STARD13: variants seen among roughly 807,000 people sequenced by gnomAD.
The protein encoded by STARD13 is stAR-related lipid transfer protein 13.
STARD13 carries 62 observed loss-of-function variants against 106.4 expected under a neutral mutation model. The observed-to-expected ratio is 0.58, with a 90% CI of 0.48 to 0.72. The LOEUF (loss-of-function observed/expected upper bound fraction) is 0.72, where lower values mean the gene tolerates loss of function less well. Among genes scored for constraint, STARD13 ranks in the 30% least tolerant of loss-of-function variants. The pLI, the probability that STARD13 is intolerant of heterozygous loss-of-function variation, is 0.00. For missense variants in STARD13, 1,387 were observed against 1,424.0 expected (o/e 0.97, Z 0.42); for synonymous variants, 565 against 553.0 (o/e 1.02, Z -0.31).
chr13:33,671,640 T>G, the STARD13 span, among the ~76,000 whole-genome samples: 11,796 of 152,192 alleles, frequency 0.078, 922 homozygotes, highest in East Asian at 0.25. Flanking sequence ...TGAGGCAAGA[T>G]GATCCCTTGA....
intron 1 of STARD13, among the ~76,000 whole-genome samples, chr13:33,329,689 A>G (rs1190669741): frequency 6.7e-6 from 1 of 150,002 alleles, no homozygotes; most frequent in Non-Finnish European, 1.5e-5. Flanking sequence ...GTGATTGTAT[A>G]AAATCACTTT....
chr13:33,473,349 C>T, the STARD13 span, among the ~76,000 whole-genome samples: 10 of 152,168 alleles, frequency 6.6e-5, no homozygotes, highest in Non-Finnish European at 1.5e-4. Flanking sequence ...AAGTAATTTA[C>T]ACAATTTTAC....
chr13:33,198,379 A>C (rs1354034974), intron 1 of STARD13, among the ~76,000 whole-genome samples: 1 of 151,960 alleles, frequency 6.6e-6, no homozygotes, highest in East Asian at 1.9e-4. Context: ...CCAGCATCAG[A>C]GCCTTGGCCC....
At chr13:33,359,313 C>T in the STARD13 span, among the ~76,000 whole-genome samples, 5 of 152,012 alleles carry the variant, frequency 3.3e-5, no homozygotes, top group Admixed American at 3.3e-4. Flanking sequence ...GACGCGCTGC[C>T]TTAAGAGCTG....
At chr13:33,233,418 A>G (rs1182892012) in intron 1 of STARD13, among the ~76,000 whole-genome samples, 2 of 152,182 alleles carry the variant, frequency 1.3e-5, no homozygotes, top group African/African-American at 4.8e-5. Flanking sequence ...TCATTAGAGG[A>G]GACGACAGCC....
the STARD13 span, among the ~76,000 whole-genome samples, chr13:33,452,997 T>G: frequency 6.6e-6 from 1 of 152,234 alleles, no homozygotes; most frequent in Non-Finnish European, 1.5e-5. Flanking sequence ...CACTTTTAGG[T>G]GTGCATAGCA....
chr13:33,203,675 T>C (rs1887209576), intron 1 of STARD13, among the ~76,000 whole-genome samples: 2 of 152,174 alleles, frequency 1.3e-5, no homozygotes, highest in African/African-American at 4.8e-5. Context: ...GAAAATCAAA[T>C]AGTTATTCTA....
chr13:33,245,659 A>T (rs1889786469), intron 1 of STARD13, among the ~76,000 whole-genome samples: 1 of 152,212 alleles, frequency 6.6e-6, no homozygotes. Context: ...CAGATGATTG[A>T]TTCTGAAATG....
At chr13:33,222,948 G>A (rs1393756000) in intron 1 of STARD13, among the ~76,000 whole-genome samples, 1 of 152,232 alleles carries the variant, frequency 6.6e-6, no homozygotes, top group Non-Finnish European at 1.5e-5. Context: ...TTGGACCACT[G>A]GCCTGTGAAG....
At chr13:33,443,903 A>AAAAAAAAG in the STARD13 span, among the ~76,000 whole-genome samples, 1 of 151,758 alleles carries the variant, frequency 6.6e-6, no homozygotes, top group Non-Finnish European at 1.5e-5. Flanking sequence ...AAAAAAAAAA[A>AAAAAAAAG]AAAAAAAGAA....
At position 33,130,381 on chromosome 13, in the gene STARD13, A is replaced by C; in HGVS notation, c.388-92T>G. On this transcript the variant is annotated intron_variant, in intron 4 of 13. Coordinates refer to ENST00000336934, the MANE Select transcript of STARD13 (RefSeq NM_178006.4). This position sits in a 1 kb window ranked among gnomAD's most constrained non-coding sequence, Gnocchi z 4.1. ...TGAGGGCAGCCCTGTGTGGTCCTCC[A>C]CCTCCCTCCCCTCTGTCCTCCCATG... The C allele has an allele frequency of 8.0e-7, 1 of 1,245,148 alleles. No homozygotes were observed. The highest frequency in any genetic ancestry group is 1.1e-6 in the Non-Finnish European group (1 of 891,536). 77.1% of individuals were successfully genotyped at this position (1,245,148 alleles called of 1,614,324 possible).
chr13:33,514,097 G>A, the STARD13 span, among the ~76,000 whole-genome samples: 1 of 152,116 alleles, frequency 6.6e-6, no homozygotes, highest in Non-Finnish European at 1.5e-5. Context: ...TTACACACAT[G>A]ATTCTCTCTG....
chr13:33,454,431 G>C, the STARD13 span, among the ~76,000 whole-genome samples: 1 of 151,914 alleles, frequency 6.6e-6, no homozygotes, highest in East Asian at 1.9e-4. Context: ...TCCTATCTTC[G>C]TATCTACTCT....
At chr13:33,402,911 C>A in the STARD13 span, among the ~76,000 whole-genome samples, 1 of 152,214 alleles carries the variant, frequency 6.6e-6, no homozygotes, top group African/African-American at 2.4e-5. Context: ...AATAAAACCC[C>A]GCATTCATCC....
At chr13:33,397,926 A>G in the STARD13 span, among the ~76,000 whole-genome samples, 1 of 152,228 alleles carries the variant, frequency 6.6e-6, no homozygotes, top group South Asian at 2.1e-4. Flanking sequence ...CTCTGCCCCC[A>G]TGAGCTAAAC....
chr13:33,647,467 C>T, the STARD13 span, among the ~76,000 whole-genome samples: 1 of 152,210 alleles, frequency 6.6e-6, no homozygotes, highest in Non-Finnish European at 1.5e-5. Flanking sequence ...GGTCATTCAG[C>T]AGCCCCTTCC....
chr13:33,349,784 C>G (rs142191154), intron 1 of STARD13, among the ~76,000 whole-genome samples: 6 of 152,236 alleles, frequency 3.9e-5, no homozygotes, highest in Non-Finnish European at 8.8e-5. Context: ...CACATCCCCC[C>G]CTCTACCCCC....
chr13:33,615,589 A>T, the STARD13 span, among the ~76,000 whole-genome samples: 1 of 152,142 alleles, frequency 6.6e-6, no homozygotes, highest in Non-Finnish European at 1.5e-5. Flanking sequence ...GGAACACCCC[A>T]CCTGTTACCG....
At chr13:33,544,672 A>G in the STARD13 span, among the ~76,000 whole-genome samples, 1 of 151,280 alleles carries the variant, frequency 6.6e-6, no homozygotes. Flanking sequence ...AAACCATGGT[A>G]TTTCCCTAAT....
Sources: allele counts gnomAD v4.1 joint callset (sites outside exome capture counted in the v4.1 genomes callset), GRCh38; gene constraint gnomAD v4.1.1; non-coding constraint Gnocchi (gnomAD v3.1); transcripts MANE v1.5; gene names NCBI Gene and HGNC (gene_info 2026-07-23, HGNC 2026-07-21).